The following CPLANE1 variants were observed in gnomAD, a reference collection of about 807,000 sequenced individuals.
CPLANE1 encodes the protein ciliogenesis and planar polarity effector complex subunit 1.
CPLANE1 carries 263 observed loss-of-function variants against 362.5 expected under a neutral mutation model. The observed-to-expected ratio is 0.73, with a 90% CI of 0.66 to 0.80. The LOEUF (loss-of-function observed/expected upper bound fraction) is 0.80. Ranked by LOEUF, CPLANE1 falls within the 30% of genes least tolerant of loss-of-function variation. The pLI, the probability that CPLANE1 is intolerant of heterozygous loss-of-function variation, is 0.00. For missense variants in CPLANE1, 3,461 were observed against 3,793.4 expected, an observed-to-expected ratio of 0.91 and a Z score of 2.30; for synonymous variants, 1,212 against 1,302.6, an observed-to-expected ratio of 0.93 and a Z score of 1.50.
chr5:37,225,998 A>G (rs1796396741), intron 12 of CPLANE1, among the ~76,000 whole-genome samples: 1 of 152,134 alleles, frequency 6.6e-6, no homozygotes, highest in African/African-American at 2.4e-5. Flanking sequence ...TTGGCAAACT[A>G]AAAGTGTATA....
chr5:37,177,938 T>C (rs767649449), intron 29 of CPLANE1, among the ~76,000 whole-genome samples: 5 of 152,178 alleles, frequency 3.3e-5, no homozygotes, highest in Admixed American at 2.6e-4. Flanking sequence ...AAAGACAAGA[T>C]TGTGTCAGTA....
chr5:37,181,863 C>T (rs937896007), intron 26 of CPLANE1, among the ~76,000 whole-genome samples: 37 of 150,810 alleles, frequency 2.5e-4, no homozygotes, highest in African/African-American at 7.8e-4. Flanking sequence ...GAGGCCGAGG[C>T]GGGCGGATCA....
chr5:37,155,823 G>A (rs898757889), intron 41 of CPLANE1, among the ~76,000 whole-genome samples: 6 of 152,270 alleles, frequency 3.9e-5, no homozygotes, highest in Non-Finnish European at 7.4e-5. Flanking sequence ...AAAGTAAAAC[G>A]TATCTAAGCT....
chr5:37,138,269 T>C (rs1409631517), intron 46 of CPLANE1, among the ~76,000 whole-genome samples: 1 of 152,230 alleles, frequency 6.6e-6, no homozygotes, highest in Non-Finnish European at 1.5e-5. Flanking sequence ...TCTTGTTGAA[T>C]TGAACTCTTT....
At chr5:37,160,546 A>C (rs1776557060) in intron 38 of CPLANE1, among the ~76,000 whole-genome samples, 1 of 151,768 alleles carries the variant, frequency 6.6e-6, no homozygotes, top group South Asian at 2.1e-4. Context: ...CAGCCTGGGA[A>C]ACAGAGCAAG....
chr5:37,201,204 T>C (rs981335668), intron 19 of CPLANE1, among the ~76,000 whole-genome samples: 1 of 152,200 alleles, frequency 6.6e-6, no homozygotes, highest in African/African-American at 2.4e-5. Flanking sequence ...CACTCATTAT[T>C]TCATTTGTTA....
chr5:37,169,466 C>T lies in CPLANE1; in HGVS notation c.6558G>A (p.Ser2186=), dbSNP rs1779146029. 3 of 1,613,940 alleles carry T rather than the reference C, an allele frequency of 1.9e-6. No individual in the cohort carries two copies. Among genetic ancestry groups the T allele is most frequent in the South Asian group, 2.2e-5 (2 of 91,088 alleles). Residue 2186 remains serine (S), a synonymous_variant, in exon 34 of 53, where the codon TCG becomes TCA. Coordinates refer to ENST00000651892, the MANE Select transcript of CPLANE1 (RefSeq NM_001384732.1). Reference sequence around the variant, plus strand: ...TATTTCCAGCAGGAGCTGGATAAAACGAAGTGGATGGTAAGTTTTGAGATG... The same window carrying T: ...TATTTCCAGCAGGAGCTGGATAAAATGAAGTGGATGGTAAGTTTTGAGATG... ...IPSSQNLPST[S]FYPAPAGNTH...
chr5:37,213,475 T>C (rs1793200639), intron 16 of CPLANE1, 84 bp downstream of exon 16: 11 of 874,982 alleles, frequency 1.3e-5, no homozygotes, highest in Non-Finnish European at 1.8e-5. Flanking sequence ...TATCATTGAG[T>C]AATGGCCTCT....
At chr5:37,107,875 A>G (rs936942567) in intron 52 of CPLANE1, 97 bp from the exon 53 acceptor site, 6 of 1,446,698 alleles carry the variant, frequency 4.1e-6, no homozygotes, top group East Asian at 2.5e-5. Context: ...CTTTCCAAAA[A>G]TTCTAGAGTT....
Position 37,108,283 on chromosome 5 carries a change from C to T in CPLANE1, c.9579+10G>A, listed in dbSNP as rs1460605281. 2 of 1,611,406 alleles carry T rather than the reference C, an allele frequency of 1.2e-6. No homozygotes were observed. The highest frequency in any genetic ancestry group is 1.7e-5 in the Admixed American group (1 of 59,642). ...ATCACTAGACAAACAAAATCTAGAACAATGCTTACTTGTAGAAGGGAATTG... is the reference window on the plus strand; with the variant it reads ...ATCACTAGACAAACAAAATCTAGAATAATGCTTACTTGTAGAAGGGAATTG... On this transcript the variant is annotated intron_variant, in intron 52 of 52. Coordinates refer to ENST00000651892, the MANE Select transcript of CPLANE1 (RefSeq NM_001384732.1).
downstream of CPLANE1, among the ~76,000 whole-genome samples, chr5:37,103,402 GTCA>G (rs1412881322): frequency 6.6e-6 from 1 of 152,146 alleles, no homozygotes; most frequent in Non-Finnish European, 1.5e-5. Context: ...ATCTGATCCT[GTCA>G]TCATGATGCT....
At chr5:37,212,082 G>C in intron 16 of CPLANE1, 1 of 907,298 alleles carries the variant, frequency 1.1e-6, no homozygotes, top group South Asian at 1.3e-5. Flanking sequence ...AGAAATTTTA[G>C]AAAGGGAAAG....
At chr5:37,094,009 TGG>T in the CPLANE1 span, among the ~76,000 whole-genome samples, 6 of 50,404 alleles carry the variant, frequency 1.2e-4, no homozygotes, top group African/African-American at 4.2e-4. Context: ...CTGGGAGGGG[TGG>T]AGCGCTGGCA....
intron 33 of CPLANE1, among the ~76,000 whole-genome samples, chr5:37,169,767 C>T (rs1339132496): frequency 6.6e-6 from 1 of 151,834 alleles, no homozygotes; most frequent in Non-Finnish European, 1.5e-5. Context: ...TGCTCTGTCA[C>T]CCAGGCTGGA....
intron 21 of CPLANE1, among the ~76,000 whole-genome samples, chr5:37,194,124 A>G (rs759775358): frequency 1.3e-5 from 2 of 151,870 alleles, no homozygotes; most frequent in Non-Finnish European, 2.9e-5. Context: ...GGGTTTTACC[A>G]TGCTGGCCAG....
At chr5:37,114,531 C>CAG (rs1324887295) in intron 51 of CPLANE1, among the ~76,000 whole-genome samples, 1 of 152,194 alleles carries the variant, frequency 6.6e-6, no homozygotes, top group Non-Finnish European at 1.5e-5. Context: ...CTTCTCTGAA[C>CAG]CACTGCAGCG....
At chr5:37,165,426 T>C in intron 36 of CPLANE1, 113 bp downstream of exon 36, 1 of 961,842 alleles carries the variant, frequency 1.0e-6, no homozygotes, top group Non-Finnish European at 1.6e-6. Flanking sequence ...GATATGAAGA[T>C]CCTCCTAGTC....
At chr5:37,100,134 T>C in the CPLANE1 span, among the ~76,000 whole-genome samples, 7 of 152,338 alleles carry the variant, frequency 4.6e-5, no homozygotes, top group South Asian at 6.2e-4. Flanking sequence ...ATTCGTCAAC[T>C]TTTGCTTTTG....
At position 37,213,565 on chromosome 5, in the gene CPLANE1, T is replaced by G. The variant is rs1246298475; in HGVS notation, c.2914A>C (p.Lys972Gln). The G allele has an allele frequency of 6.5e-7, 1 of 1,537,160 alleles. No individual in the cohort carries two copies. Among genetic ancestry groups the G allele is most frequent in the Non-Finnish European group, 8.8e-7 (1 of 1,138,966 alleles). The stretch of plus-strand genomic sequence containing the variant: ...GATTTGTTTACTACATTACCTGTTT[T>G]AATATGAAGTGGGGGAAGAACATTC... Reference protein sequence around the residue: ...HVNVLPPLHIKTEQSFRLIPL... With the variant: ...HVNVLPPLHIQTEQSFRLIPL... Residue 972 changes from lysine to glutamine, a missense_variant, in exon 16 of 53, where the codon AAA (lysine) becomes CAA (glutamine). By Grantham distance (53) the Lys-to-Gln change is moderately conservative. Coordinates refer to ENST00000651892, the MANE Select transcript of CPLANE1 (RefSeq NM_001384732.1).
Sources: allele counts gnomAD v4.1 joint callset (sites outside exome capture counted in the v4.1 genomes callset), GRCh38; gene constraint gnomAD v4.1.1; transcripts MANE v1.5; gene names NCBI Gene and HGNC (gene_info 2026-07-23, HGNC 2026-07-21).